The following LYPLAL1 variants were observed in gnomAD, a reference collection of about 807,000 sequenced individuals.
The protein encoded by LYPLAL1 is lysophospholipase-like protein 1.
A neutral mutation model predicts 19.7 loss-of-function variants in LYPLAL1; 23 were observed. The observed-to-expected ratio is 1.17, with a 90% CI of 0.84 to 1.65. LYPLAL1 has a LOEUF of 1.65. Among genes scored for constraint, LYPLAL1 ranks in the 40% most tolerant of loss-of-function variants. The probability of loss-of-function intolerance (pLI) is 0.00; values close to 1 mark genes in which losing one functional copy is unlikely to be tolerated. For missense variants in LYPLAL1, 355 were observed against 279.4 expected, an observed-to-expected ratio of 1.27 and a Z score of -1.93; for synonymous variants, 119 against 96.3, an observed-to-expected ratio of 1.24 and a Z score of -1.38.
intron 1 of LYPLAL1, chr1:219,174,330 A>T: frequency 8.9e-7 from 1 of 1,118,250 alleles, no homozygotes; most frequent in Non-Finnish European, 1.1e-6. Context: ...GAGGGAAATT[A>T]TTTAGTGTTT....
chr1:219,219,423 CAAGTT>C, the LYPLAL1 span, among the ~76,000 whole-genome samples: 4 of 152,296 alleles, frequency 2.6e-5, no homozygotes, highest in Admixed American at 1.3e-4. Flanking sequence ...TTTCTAGAGA[CAAGTT>C]AACACTTGTT....
At chr1:219,360,476 G>T in the LYPLAL1 span, among the ~76,000 whole-genome samples, 1 of 152,074 alleles carries the variant, frequency 6.6e-6, no homozygotes, top group Non-Finnish European at 1.5e-5. Flanking sequence ...ATATGAAAGC[G>T]TAAGTTCCTA....
the LYPLAL1 span, among the ~76,000 whole-genome samples, chr1:219,432,200 A>G: frequency 1.3e-5 from 2 of 152,206 alleles, no homozygotes; most frequent in African/African-American, 2.4e-5. Context: ...ATATGAGGTA[A>G]GCTGAAATGT....
At chr1:219,237,309 A>G in the LYPLAL1 span, among the ~76,000 whole-genome samples, 1 of 152,236 alleles carries the variant, frequency 6.6e-6, no homozygotes, top group Non-Finnish European at 1.5e-5. Context: ...ACGGAAATGT[A>G]TCCCTTTCTT....
At chr1:219,386,511 C>CT in the LYPLAL1 span, among the ~76,000 whole-genome samples, 1 of 152,136 alleles carries the variant, frequency 6.6e-6, no homozygotes, top group Non-Finnish European at 1.5e-5. Flanking sequence ...CTGGTTGTTG[C>CT]TTTTTAGTCT....
At chr1:219,273,204 G>A in the LYPLAL1 span, 1 of 152,126 alleles carries the variant, frequency 6.6e-6, no homozygotes, top group African/African-American at 2.4e-5. Flanking sequence ...GTAATTGCCT[G>A]GAAAAGGTAA....
chr1:219,176,027 ATGT>A (rs1356354547), intron 1 of LYPLAL1, among the ~76,000 whole-genome samples: 1 of 152,204 alleles, frequency 6.6e-6, no homozygotes, highest in African/African-American at 2.4e-5. Flanking sequence ...GGCTGAAAAA[ATGT>A]TGTTAAAGAC....
At chr1:219,420,915 C>G in the LYPLAL1 span, among the ~76,000 whole-genome samples, 1 of 152,014 alleles carries the variant, frequency 6.6e-6, no homozygotes, top group African/African-American at 2.4e-5. Context: ...TAATTTAAGT[C>G]CATTCTGAAA....
the LYPLAL1 span, among the ~76,000 whole-genome samples, chr1:219,349,630 C>G: frequency 1.3e-5 from 2 of 152,064 alleles, no homozygotes; most frequent in African/African-American, 4.8e-5. Flanking sequence ...TGTGTGTATG[C>G]ATGTTTGTGT....
chr1:219,346,290 G>A, the LYPLAL1 span, among the ~76,000 whole-genome samples: 7 of 152,056 alleles, frequency 4.6e-5, no homozygotes, highest in Non-Finnish European at 5.9e-5. Context: ...AAGGAAAGGT[G>A]GCCAACTGAA....
chr1:219,290,568 ATGTTGT>A, the LYPLAL1 span, among the ~76,000 whole-genome samples: 1 of 152,130 alleles, frequency 6.6e-6, no homozygotes, highest in African/African-American at 2.4e-5. Flanking sequence ...TCCCTATGAT[ATGTTGT>A]TGTTGTTGTT....
chr1:219,279,582 C>T, the LYPLAL1 span, among the ~76,000 whole-genome samples: 1 of 152,142 alleles, frequency 6.6e-6, no homozygotes, highest in African/African-American at 2.4e-5. Flanking sequence ...TTTATTATAA[C>T]AATGAGATCA....
chr1:219,381,513 G>A, the LYPLAL1 span, among the ~76,000 whole-genome samples: 2 of 152,162 alleles, frequency 1.3e-5, no homozygotes, highest in African/African-American at 4.8e-5. Context: ...CTCTTAGTGG[G>A]GACAAAATAG....
At chr1:219,385,851 A>G in the LYPLAL1 span, among the ~76,000 whole-genome samples, 1 of 152,210 alleles carries the variant, frequency 6.6e-6, no homozygotes, top group Non-Finnish European at 1.5e-5. Flanking sequence ...AGAGAGAAAT[A>G]TAATTGCTTC....
chr1:219,230,269 C>T, the LYPLAL1 span, among the ~76,000 whole-genome samples: 3 of 152,110 alleles, frequency 2.0e-5, no homozygotes, highest in Admixed American at 6.5e-5. Context: ...CCTGCTACCA[C>T]GCCCGGCTAA....
chr1:219,193,283 T>G, intron 3 of LYPLAL1, 32 bp downstream of exon 3: 1 of 1,554,170 alleles, frequency 6.4e-7, no homozygotes, highest in Non-Finnish European at 8.8e-7. Flanking sequence ...AATTTATCAC[T>G]GTTCACTTTT....
rs139551218 is a variant in LYPLAL1, at chr1:219,180,697, A to G, written c.191+1451A>G. ...AAGATAAGTTCATTTCTACCTAAAT[A>G]TAAATACAATTGTCTGATTAATCAT... On this transcript the variant is annotated intron_variant, in intron 2 of 4. Transcript: ENST00000366928. Among the ~76,000 whole-genome samples the G allele has an allele frequency of 1.8e-4, 27 of 152,358 alleles. No individual in the cohort carries two copies. The East Asian group carries it at 2.5e-3, about 14-fold the overall frequency.
At chr1:219,325,859 T>G in the LYPLAL1 span, among the ~76,000 whole-genome samples, 3 of 152,120 alleles carry the variant, frequency 2.0e-5, no homozygotes, top group Non-Finnish European at 4.4e-5. Context: ...TTATAGAATT[T>G]GGGGGAAATA....
chr1:219,415,928 T>C, the LYPLAL1 span, among the ~76,000 whole-genome samples: 2 of 152,194 alleles, frequency 1.3e-5, no homozygotes, highest in African/African-American at 2.4e-5. Flanking sequence ...ACATAGCGCT[T>C]CTCTCTTCTT....
Sources: gnomAD v4.1 joint callset for allele counts (sites outside exome capture counted in the v4.1 genomes callset) on GRCh38, gnomAD v4.1.1 for gene constraint, MANE v1.5 for transcripts, NCBI Gene and HGNC (gene_info 2026-07-23, HGNC 2026-07-21) for gene names.